The following TMEM229B variants were observed in gnomAD, a reference collection of about 807,000 sequenced individuals.
TMEM229B encodes the protein transmembrane protein 229B.
In TMEM229B, 6 loss-of-function variants were observed where a neutral mutation model predicts 13.7. The observed-to-expected ratio is 0.44, with a 90% CI of 0.24 to 0.86. The LOEUF (loss-of-function observed/expected upper bound fraction) is 0.86, where lower values mean the gene tolerates loss of function less well. Ranked by LOEUF, TMEM229B falls within the 40% of genes least tolerant of loss-of-function variation. TMEM229B has a pLI of 0.23. For missense variants in TMEM229B, 170 were observed against 236.0 expected (o/e 0.72, Z 1.83); for synonymous variants, 107 against 102.1 (o/e 1.05, Z -0.29).
At chr14:67,524,627 G>C (rs2033339953) in intron 1 of TMEM229B, among the ~76,000 whole-genome samples, 1 of 152,132 alleles carries the variant, frequency 6.6e-6, no homozygotes, top group African/African-American at 2.4e-5. Context: ...CTTGAAAGTT[G>C]CGAGATGGGC....
chr14:67,511,678 G>A lies in TMEM229B; in HGVS notation c.-192+3408C>T, dbSNP rs140943866. On this transcript the variant is annotated intron_variant, in intron 1 of 2. Transcript: ENST00000357461. ...CAAAATCAGAGGAGGGTGGAAAGTC[G>A]CCTTTCAGAACCATCCTTTGAAGGA... Among the ~76,000 whole-genome samples, 54 of 152,280 alleles carry A rather than the reference G, an allele frequency of 3.5e-4. No homozygotes were observed. The East Asian group carries it at 9.8e-3, about 28-fold the overall frequency.
At chr14:67,490,509 G>C (rs942732887), upstream of TMEM229B, among the ~76,000 whole-genome samples, 1 of 152,224 alleles carries the variant, frequency 6.6e-6, no homozygotes, top group Non-Finnish European at 1.5e-5. Context: ...TTTCTACAAT[G>C]TGCTGGCACT....
Position 67,473,641 on chromosome 14 carries a change from G to C in TMEM229B, c.283C>G (p.Leu95Val). Reference sequence around the variant, plus strand: ...CAGGGGCAGGCGTTGAACTGGCGCAGGATGAAGCCGGTGGTGAACTCCCAC... The same window carrying C: ...CAGGGGCAGGCGTTGAACTGGCGCACGATGAAGCCGGTGGTGAACTCCCAC... ...YLWEFTTGFI[L>V]RQFNACPWDY... Residue 95 changes from leucine to valine, a missense_variant, in exon 3 of 3, where the codon CTG becomes GTG. Leu to Val is a conservative substitution (Grantham distance 32). Around this residue, in one of 4 missense-constraint regions of TMEM229B, gnomAD observed 57 missense variants for 66.7 expected, o/e 0.85. Coordinates refer to ENST00000554480, the MANE Select transcript of TMEM229B (RefSeq NM_001348543.2). The surrounding 1 kb of genome is among the most constrained non-coding windows in gnomAD (Gnocchi z 6.5). The C allele has an allele frequency of 6.3e-7, 1 of 1,581,348 alleles. No individual in the cohort carries two copies. Among genetic ancestry groups the C allele is most frequent in the East Asian group, 2.3e-5 (1 of 43,254 alleles).
chr14:67,526,406 T>C (rs1445391778), intron 1 of TMEM229B, among the ~76,000 whole-genome samples: 1 of 152,262 alleles, frequency 6.6e-6, no homozygotes, highest in African/African-American at 2.4e-5. Context: ...TGACGGTCTT[T>C]GCATGCTGCT....
chr14:67,499,995 T>C (rs904023631), intron 1 of TMEM229B, among the ~76,000 whole-genome samples: 2 of 152,096 alleles, frequency 1.3e-5, no homozygotes, highest in South Asian at 2.1e-4. Flanking sequence ...GGCTCTACCA[T>C]TGATACTTGT....
chr14:67,491,330 G>A (rs1416225842), upstream of TMEM229B, among the ~76,000 whole-genome samples: 1 of 152,134 alleles, frequency 6.6e-6, no homozygotes, highest in Non-Finnish European at 1.5e-5. Flanking sequence ...TATGTAGCTT[G>A]ATCTCCACCC....
chr14:67,484,592 A>G (rs1213547634), intron 2 of TMEM229B, among the ~76,000 whole-genome samples: 1 of 152,150 alleles, frequency 6.6e-6, no homozygotes, highest in East Asian at 1.9e-4. Flanking sequence ...TCCGGATTCA[A>G]TTTTATTTTT....
At chr14:67,517,562 G>C (rs958839200), upstream of TMEM229B, among the ~76,000 whole-genome samples, 2 of 152,168 alleles carry the variant, frequency 1.3e-5, no homozygotes, top group South Asian at 4.1e-4. Context: ...ATATCAGTTA[G>C]AGAATCAGAA....
chr14:67,484,011 G>A (rs1192767869), intron 2 of TMEM229B, among the ~76,000 whole-genome samples: 2 of 152,214 alleles, frequency 1.3e-5, no homozygotes, highest in African/African-American at 2.4e-5. Flanking sequence ...TGGCAGGCTG[G>A]CATCCCAGAC....
chr14:67,525,837 T>G (rs1454767724), intron 1 of TMEM229B, among the ~76,000 whole-genome samples: 1 of 152,228 alleles, frequency 6.6e-6, no homozygotes, highest in African/African-American at 2.4e-5. Flanking sequence ...GATCCTGGAT[T>G]CACACAAGCA....
chr14:67,493,371 C>T (rs1357291825), upstream of TMEM229B, among the ~76,000 whole-genome samples: 7 of 152,132 alleles, frequency 4.6e-5, no homozygotes, highest in Non-Finnish European at 8.8e-5. Flanking sequence ...AGTAGCCAAT[C>T]GGAATTAGTT....
intron 2 of TMEM229B, among the ~76,000 whole-genome samples, chr14:67,477,716 G>A (rs1050951135): frequency 3.3e-5 from 5 of 152,156 alleles, no homozygotes; most frequent in Non-Finnish European, 5.9e-5. Flanking sequence ...CTCGAGCCCA[G>A]AACTCTTGAA....
chr14:67,531,910 CA>C (rs5809352), intron 1 of TMEM229B, among the ~76,000 whole-genome samples: 27,251 of 79,554 alleles, frequency 0.34, 3,028 homozygotes, highest in African/African-American at 0.41. Flanking sequence ...AACCTATGTC[CA>C]AAAAAAAAAA....
intron 1 of TMEM229B, among the ~76,000 whole-genome samples, chr14:67,508,445 A>G (rs8014211): frequency 0.19 from 28,865 of 152,030 alleles, 3,028 homozygotes; most frequent in African/African-American, 0.25. Flanking sequence ...GCCCAGAGTC[A>G]CTGAGCTGTG....
At chr14:67,528,437 TA>T (rs1179395588) in intron 1 of TMEM229B, among the ~76,000 whole-genome samples, 2 of 152,190 alleles carry the variant, frequency 1.3e-5, no homozygotes, top group Non-Finnish European at 2.9e-5. Context: ...GCCACCTACT[TA>T]AAGCTGGTCC....
intron 1 of TMEM229B, among the ~76,000 whole-genome samples, chr14:67,530,975 T>C (rs1006169268): frequency 1.3e-5 from 2 of 152,230 alleles, no homozygotes; most frequent in African/African-American, 2.4e-5. Flanking sequence ...TCAGACCAGT[T>C]GACAAGTCCC....
At chr14:67,502,330 C>CA (rs546236043) in intron 1 of TMEM229B, among the ~76,000 whole-genome samples, 3 of 140,708 alleles carry the variant, frequency 2.1e-5, no homozygotes, top group South Asian at 2.2e-4. Flanking sequence ...GACTCCATCT[C>CA]AAAAAAAAGA....
At chr14:67,515,325 C>T (rs1306875603) in exon 1 of TMEM229B, 1 of 158,586 alleles carries the variant, frequency 6.3e-6, no homozygotes, top group East Asian at 1.9e-4. Flanking sequence ...CGCGCCTAGT[C>T]CCGCATTGTG....
chr14:67,472,705 A>T lies in TMEM229B; in HGVS notation c.*715T>A, dbSNP rs1478600838. The T allele has an allele frequency of 1.3e-5, 2 of 153,036 alleles. No homozygotes were observed. The highest frequency in any genetic ancestry group is 2.1e-4 in the South Asian group (1 of 4,838). 9.5% of individuals were successfully genotyped at this position (153,036 alleles called of 1,614,324 possible). ...CGACCGACGTGGATAAAGAGCCGCT[A>T]GTGGTAAAGGCTTTGAAAACAAGAC... is the stretch of plus-strand genomic sequence containing the variant. On this transcript the variant is annotated 3_prime_UTR_variant, in exon 3 of 3. Coordinates refer to ENST00000554480, the MANE Select transcript of TMEM229B (RefSeq NM_001348543.2).
Sources: allele counts gnomAD v4.1 joint callset (sites outside exome capture counted in the v4.1 genomes callset), GRCh38; gene constraint gnomAD v4.1.1; regional missense constraint gnomAD v4.1.1; non-coding constraint Gnocchi (gnomAD v3.1); transcripts MANE v1.5; gene names NCBI Gene and HGNC (gene_info 2026-07-23, HGNC 2026-07-21).